SLC2A14: variants seen among roughly 807,000 people sequenced by gnomAD.
SLC2A14 encodes the protein solute carrier family 2, facilitated glucose transporter member 14.
Under a neutral mutation model 43.0 loss-of-function variants are expected in SLC2A14, and 13 were observed. That is an observed-to-expected ratio of 0.30 (90% confidence interval 0.20 to 0.48). SLC2A14 has a LOEUF of 0.48. SLC2A14 is among the 20% of genes least tolerant of loss of function. The pLI, the probability that SLC2A14 is intolerant of heterozygous loss-of-function variation, is 0.99. For missense variants in SLC2A14, 428 were observed against 620.4 expected (o/e 0.69, Z 3.29); for synonymous variants, 190 against 233.8 (o/e 0.81, Z 1.71).
At chr12:7,864,759 C>G (rs2121023998) in intron 2 of SLC2A14, among the ~76,000 whole-genome samples, 1 of 152,304 alleles carries the variant, frequency 6.6e-6, no homozygotes, top group African/African-American at 2.4e-5. Flanking sequence ...GACTGAGCCG[C>G]TATGGCCCAC....
chr12:7,864,339 G>T (rs1565569234), intron 2 of SLC2A14, among the ~76,000 whole-genome samples: 1 of 151,650 alleles, frequency 6.6e-6, no homozygotes, highest in Non-Finnish European at 1.5e-5. Flanking sequence ...GTCTTTTGTT[G>T]TTGTTGTTAT....
At chr12:7,831,124 CAA>C (rs60468169) in intron 4 of SLC2A14, 23 of 120,310 alleles carry the variant, frequency 1.9e-4, no homozygotes, top group South Asian at 5.4e-4. Context: ...GACTCCATCT[CAA>C]AAAAAAAAAA....
intron 10 of SLC2A14, among the ~76,000 whole-genome samples, chr12:7,816,537 T>G (rs1172329393): frequency 6.6e-6 from 1 of 151,004 alleles, no homozygotes; most frequent in Non-Finnish European, 1.5e-5. Flanking sequence ...TCACCCATCT[T>G]CTTTTTTCTT....
At chr12:7,840,725 G>A (rs1865882558) in intron 2 of SLC2A14, among the ~76,000 whole-genome samples, 1 of 152,188 alleles carries the variant, frequency 6.6e-6, no homozygotes, top group African/African-American at 2.4e-5. Flanking sequence ...AACTTAGACA[G>A]AGGGTAGGGA....
At chr12:7,831,574 C>T in intron 4 of SLC2A14, 30 bp downstream of exon 4, 1 of 1,612,922 alleles carries the variant, frequency 6.2e-7, no homozygotes, top group Non-Finnish European at 8.5e-7. Context: ...CTGGTAGAGC[C>T]CACTTCCTTG....
intron 1 of SLC2A14, among the ~76,000 whole-genome samples, chr12:7,882,163 T>C (rs1239593821): frequency 6.6e-6 from 1 of 152,034 alleles, no homozygotes; most frequent in East Asian, 1.9e-4. Flanking sequence ...TTTTATGAGC[T>C]GTAACACTCA....
At chr12:7,868,540 C>A (rs1311520340) in intron 2 of SLC2A14, among the ~76,000 whole-genome samples, 1 of 152,108 alleles carries the variant, frequency 6.6e-6, no homozygotes, top group Non-Finnish European at 1.5e-5. Flanking sequence ...GAATTTATCA[C>A]TTCCTTCTCT....
chr12:7,824,605 C>T (rs769697734), intron 7 of SLC2A14, among the ~76,000 whole-genome samples: 14 of 150,486 alleles, frequency 9.3e-5, no homozygotes, highest in African/African-American at 2.2e-4. Context: ...AAGTGGTGCA[C>T]GCCTGTAATC....
Position 7,831,294 on chromosome 12 carries a change from T to C in SLC2A14, c.272+310A>G, listed in dbSNP as rs183549908. 15 of 256,592 alleles carry C rather than the reference T, an allele frequency of 5.8e-5. No individual in the cohort carries two copies. In the East Asian group the frequency reaches 9.3e-4, roughly 16 times the overall value. The allele number at this position is 256,592 out of a possible 1,614,324, so 15.9% of individuals were successfully genotyped here. On this transcript the variant is annotated intron_variant, in intron 4 of 10. Coordinates refer to ENST00000431042, the MANE Select transcript of SLC2A14 (RefSeq NM_001286234.2). ...GAAAAGTAATCAACTTTGGACCTTGTAAATTAAGTATGTTCCTGGAAACCC... is the reference window on the plus strand; with the variant it reads ...GAAAAGTAATCAACTTTGGACCTTGCAAATTAAGTATGTTCCTGGAAACCC...
intron 1 of SLC2A14, chr12:7,871,273 G>A (rs1945216364): frequency 8.4e-7 from 1 of 1,189,478 alleles, no homozygotes. Context: ...TGAAGAAGTG[G>A]ATGAGATGTA....
At chr12:7,822,714 T>G (rs2120700222) in intron 7 of SLC2A14, among the ~76,000 whole-genome samples, 1 of 152,184 alleles carries the variant, frequency 6.6e-6, no homozygotes, top group Middle Eastern at 3.4e-3. Context: ...ACTGGTTTCT[T>G]TTTTATAAGT....
intron 2 of SLC2A14, among the ~76,000 whole-genome samples, chr12:7,869,443 T>C (rs769746786): frequency 6.6e-6 from 1 of 152,320 alleles, no homozygotes; most frequent in African/African-American, 2.4e-5. Flanking sequence ...TCAGTTACAC[T>C]CTATAGTCTG....
intron 2 of SLC2A14, among the ~76,000 whole-genome samples, chr12:7,835,381 TCAAA>T (rs369557365): frequency 5.3e-5 from 8 of 152,222 alleles, no homozygotes; most frequent in South Asian, 4.1e-4. Flanking sequence ...CGAGACTGTC[TCAAA>T]CAAACAAACA....
intron 1 of SLC2A14, chr12:7,871,110 T>A: frequency 7.4e-7 from 1 of 1,343,466 alleles, no homozygotes. Context: ...ACTTCACCAC[T>A]TCCCTCACCA....
chr12:7,831,247 G>GT, intron 4 of SLC2A14: 1 of 79,824 alleles, frequency 1.3e-5, no homozygotes, highest in East Asian at 2.3e-4. Context: ...TGAGACCCCA[G>GT]TTTTGTTTTT....
chr12:7,888,138 C>A (rs1267539235), intron 1 of SLC2A14, among the ~76,000 whole-genome samples: 1 of 151,982 alleles, frequency 6.6e-6, no homozygotes, highest in Non-Finnish European at 1.5e-5. Context: ...ACATTACCTC[C>A]TTAATGCAGT....
intron 2 of SLC2A14, among the ~76,000 whole-genome samples, chr12:7,865,426 A>C (rs938711936): frequency 1.3e-4 from 19 of 151,814 alleles, no homozygotes; most frequent in Non-Finnish European, 1.9e-4. Context: ...AGTCCCAGCT[A>C]CTCGGGAGGC....
intron 1 of SLC2A14, among the ~76,000 whole-genome samples, chr12:7,883,912 T>TTTTCTTTC (rs71451923): frequency 0.28 from 39,054 of 140,608 alleles, 5,164 homozygotes; most frequent in South Asian, 0.36. Flanking sequence ...CTGAATTAAC[T>TTTTCTTTC]TTTCTTTCTT....
intron 4 of SLC2A14, chr12:7,831,114 G>A (rs1183960925): frequency 2.2e-5 from 3 of 137,126 alleles, no homozygotes; most frequent in Non-Finnish European, 3.1e-5. Context: ...ACAAGAGCAA[G>A]ACTCCATCTC....
Sources: gnomAD v4.1 joint callset for allele counts (sites outside exome capture counted in the v4.1 genomes callset) on GRCh38, gnomAD v4.1.1 for gene constraint, MANE v1.5 for transcripts, NCBI Gene and HGNC (gene_info 2026-07-23, HGNC 2026-07-21) for gene names.